ECPAS: variants seen among roughly 807,000 people sequenced by gnomAD.
ECPAS encodes proteasome adapter and scaffold protein ECM29.
Under a neutral mutation model 255.1 loss-of-function variants are expected in ECPAS, and 70 were observed. The ratio of observed to expected loss-of-function variants is 0.27; its 90% CI spans 0.23 to 0.33. The LOEUF (loss-of-function observed/expected upper bound fraction) is 0.33, where lower values mean the gene tolerates loss of function less well. Ranked by LOEUF, ECPAS falls within the 10% of genes least tolerant of loss-of-function variation. ECPAS has a pLI of 1.00. For missense variants in ECPAS, 1,817 were observed against 2,206.4 expected (o/e 0.82, Z 3.54); for synonymous variants, 784 against 775.0 (o/e 1.01, Z -0.19).
At chr9:111,387,565 T>A (rs1217085406) in intron 31 of ECPAS, among the ~76,000 whole-genome samples, 5 of 140,346 alleles carry the variant, frequency 3.6e-5, no homozygotes, top group Non-Finnish European at 7.7e-5. Context: ...TGAGGGACAC[T>A]GTCTCACTCA....
At chr9:111,425,351 C>T in intron 12 of ECPAS, 67 bp downstream of exon 12, 2 of 1,036,336 alleles carry the variant, frequency 1.9e-6, no homozygotes, top group Non-Finnish European at 1.4e-6. Context: ...ATTGACAGAC[C>T]AGAAATATTA....
intron 2 of ECPAS, among the ~76,000 whole-genome samples, chr9:111,465,046 G>A (rs1442860892): frequency 6.6e-6 from 1 of 151,832 alleles, no homozygotes; most frequent in Admixed American, 6.6e-5. Flanking sequence ...GCTGAGGCAG[G>A]AGAATAGCTT....
At chr9:111,421,510 A>G (rs2098213885) in intron 15 of ECPAS, among the ~76,000 whole-genome samples, 1 of 151,948 alleles carries the variant, frequency 6.6e-6, no homozygotes. Context: ...AAGAGGAAGA[A>G]GAGCATGTAT....
At chr9:111,393,606 T>C in intron 27 of ECPAS, 74 bp downstream of exon 27, 1 of 980,050 alleles carries the variant, frequency 1.0e-6, no homozygotes, top group African/African-American at 1.6e-5. Flanking sequence ...TTCTTTCATG[T>C]TCATTAATCC....
At chr9:111,425,305 G>C in intron 12 of ECPAS, 113 bp downstream of exon 12, 1 of 663,106 alleles carries the variant, frequency 1.5e-6, no homozygotes, top group Non-Finnish European at 2.4e-6. Flanking sequence ...AAATGTTAAG[G>C]AACAGTGAAA....
At chr9:111,436,524 A>G (rs771607676) in intron 7 of ECPAS, among the ~76,000 whole-genome samples, 4 of 152,238 alleles carry the variant, frequency 2.6e-5, no homozygotes, top group Admixed American at 6.5e-5. Flanking sequence ...CTCACTTTAC[A>G]TAAAACGTAC....
In ECPAS at chr9:111,378,834, T is replaced by C. The variant is rs1269582113; in HGVS notation, c.3804-104A>G. The C allele has an allele frequency of 3.5e-6, 4 of 1,147,748 alleles. No individual in the cohort carries two copies. In the African/African-American group the frequency reaches 6.2e-5, roughly 18 times the overall value. 71.1% of individuals were successfully genotyped at this position (1,147,748 alleles called of 1,614,324 possible). On this transcript the variant is annotated intron_variant, in intron 35 of 49. Transcript: ENST00000684092. ...CTGCAGTTCACTGCATTAAAGCATA[T>C]TTTCACATGGTTGCAGAGCCTGGTC... is the stretch of plus-strand genomic sequence containing the variant.
At position 111,377,478 on chromosome 9, in the gene ECPAS, C is replaced by T. The variant is rs180709645; in HGVS notation, c.3955-937G>A. Among the ~76,000 whole-genome samples, 220 of 152,020 alleles carry T rather than the reference C, an allele frequency of 1.4e-3. 3 individuals are homozygous for T. Among genetic ancestry groups the T allele is most frequent in the African/African-American group, 4.5e-3 (187 of 41,444 alleles). On this transcript the variant is annotated intron_variant, in intron 36 of 49. Coordinates refer to ENST00000684092, the MANE Select transcript of ECPAS (RefSeq NM_001364929.1). ...ACGTTATTCAACAGTGCCAAAGGTA[C>T]GGAGAAAAAAAGAACACTTAAAACC...
chr9:111,413,780 C>G, intron 20 of ECPAS, 115 bp downstream of exon 20: 1 of 540,540 alleles, frequency 1.9e-6, no homozygotes, highest in East Asian at 3.1e-5. Context: ...AGAGAGTTTT[C>G]AAAACGACCT....
chr9:111,363,012 T>C (rs879889297), intron 49 of ECPAS, among the ~76,000 whole-genome samples: 1 of 152,080 alleles, frequency 6.6e-6, no homozygotes, highest in African/African-American at 2.4e-5. Flanking sequence ...ACATTCTTAA[T>C]CCGTGAAAAC....
At chr9:111,470,670 G>A (rs2098286433) in intron 2 of ECPAS, among the ~76,000 whole-genome samples, 1 of 149,634 alleles carries the variant, frequency 6.7e-6, no homozygotes, top group Non-Finnish European at 1.5e-5. Context: ...CCCAAAACAA[G>A]GCTACCCCTC....
chr9:111,466,157 A>C (rs2098279257), intron 2 of ECPAS, among the ~76,000 whole-genome samples: 1 of 152,100 alleles, frequency 6.6e-6, no homozygotes, highest in Admixed American at 6.5e-5. Flanking sequence ...CCTATGAAAG[A>C]ACAAAAAGAG....
intron 24 of ECPAS, among the ~76,000 whole-genome samples, chr9:111,403,973 A>C (rs1391828162): frequency 6.7e-6 from 1 of 149,966 alleles, no homozygotes; most frequent in African/African-American, 2.5e-5. Context: ...GAAACTACAG[A>C]AATACATGGA....
chr9:111,426,859 T>G (rs936010090), intron 10 of ECPAS, among the ~76,000 whole-genome samples: 7 of 151,988 alleles, frequency 4.6e-5, no homozygotes, highest in Non-Finnish European at 8.8e-5. Flanking sequence ...TCCCAGCTAC[T>G]TGGGAGGCCT....
intron 29 of ECPAS, among the ~76,000 whole-genome samples, chr9:111,391,437 C>T (rs542195767): frequency 1.2e-3 from 185 of 152,132 alleles, no homozygotes; most frequent in African/African-American, 4.2e-3. Context: ...ATTAGCCAGG[C>T]GTGGTGGCAG....
Position 111,484,289 on chromosome 9 carries a change from G to C in ECPAS, c.-256C>G. ...AGCGGCCGGGGGAAATCCTCGAGGC[G>C]GGGCCGGAGCGCCCTTTTCCGAGGT... is the stretch of plus-strand genomic sequence containing the variant. On this transcript the variant is annotated 5_prime_UTR_variant, in exon 1 of 50. Coordinates refer to ENST00000684092, the MANE Select transcript of ECPAS (RefSeq NM_001364929.1). 6.5e-7 allele frequency: 1 copy of C among 1,538,702 alleles called. No individual in the cohort carries two copies. Among genetic ancestry groups the C allele is most frequent in the African/African-American group, 1.4e-5 (1 of 72,072 alleles).
intron 11 of ECPAS, 100 bp downstream of exon 11, chr9:111,425,643 A>T: frequency 1.0e-6 from 1 of 979,864 alleles, no homozygotes; most frequent in Non-Finnish European, 1.5e-6. Flanking sequence ...ATGAGCAAAC[A>T]TGTTTTCTTT....
rs907881959 is a variant in ECPAS, at chr9:111,363,494, T to C, written c.5380+94A>G. The C allele has an allele frequency of 1.1e-5, 8 of 702,580 alleles. No homozygotes were observed. The Middle Eastern group carries it at 8.7e-4, about 76-fold the overall frequency. 43.5% of individuals were successfully genotyped at this position (702,580 alleles called of 1,614,324 possible). On this transcript the variant is annotated intron_variant, in intron 49 of 49. Coordinates refer to ENST00000684092, the MANE Select transcript of ECPAS (RefSeq NM_001364929.1). ...ATACTGATTTGTATTTCAGAGTATA[T>C]GCTTAAGAGTATAAGCAAAAACGAA...
intron 32 of ECPAS, among the ~76,000 whole-genome samples, chr9:111,386,094 G>A (rs1274382228): frequency 6.6e-6 from 1 of 152,156 alleles, no homozygotes; most frequent in Non-Finnish European, 1.5e-5. Context: ...CTCCCATGTA[G>A]CTGGGACTAC....
Sources: allele counts gnomAD v4.1 joint callset (sites outside exome capture counted in the v4.1 genomes callset), GRCh38; gene constraint gnomAD v4.1.1; transcripts MANE v1.5; gene names NCBI Gene and HGNC (gene_info 2026-07-23, HGNC 2026-07-21).